SCGN: variants seen among roughly 807,000 people sequenced by gnomAD.
SCGN encodes the protein secretagogin.
A neutral mutation model predicts 39.7 loss-of-function variants in SCGN; 30 were observed. That is an observed-to-expected ratio of 0.76 (90% CI 0.57 to 1.03). SCGN has a LOEUF of 1.03. Ranked by LOEUF, SCGN falls within the 50% of genes least tolerant of loss-of-function variation. The probability of loss-of-function intolerance (pLI) is 0.00; values close to 1 mark genes in which losing one functional copy is unlikely to be tolerated. For missense variants in SCGN, 353 were observed against 349.4 expected (o/e 1.01, Z -0.08); for synonymous variants, 106 against 114.1 (o/e 0.93, Z 0.45).
At chr6:25,671,326 T>C (rs1296912979) in intron 6 of SCGN, among the ~76,000 whole-genome samples, 1 of 152,236 alleles carries the variant, frequency 6.6e-6, no homozygotes, top group South Asian at 2.1e-4. Flanking sequence ...AAGCGTTCCA[T>C]AGCTAAAAGC....
chr6:25,669,700 C>A, intron 5 of SCGN, 133 bp downstream of exon 5: 1 of 714,966 alleles, frequency 1.4e-6, no homozygotes, highest in South Asian at 1.7e-5. Context: ...TACATATGTA[C>A]ATATATGTAT....
At chr6:25,659,613 T>C (rs577179972) in intron 2 of SCGN, among the ~76,000 whole-genome samples, 2 of 152,336 alleles carry the variant, frequency 1.3e-5, no homozygotes, top group Admixed American at 6.5e-5. Flanking sequence ...TACGTTTTGA[T>C]TTATAGTTGC....
intron 4 of SCGN, among the ~76,000 whole-genome samples, chr6:25,667,967 C>T (rs1431905530): frequency 6.6e-6 from 1 of 152,190 alleles, no homozygotes; most frequent in Non-Finnish European, 1.5e-5. Flanking sequence ...ATATAAATCA[C>T]ATGTAACTCA....
chr6:25,665,142 A>G, intron 4 of SCGN, 110 bp downstream of exon 4: 1 of 812,902 alleles, frequency 1.2e-6, no homozygotes, highest in Non-Finnish European at 2.0e-6. Flanking sequence ...GGGAGAGCTG[A>G]GCACAGAGGA....
At chr6:25,672,017 G>T (rs924279690) in intron 6 of SCGN, among the ~76,000 whole-genome samples, 3 of 152,134 alleles carry the variant, frequency 2.0e-5, no homozygotes, top group Non-Finnish European at 4.4e-5. Context: ...AACCACTAAG[G>T]TTTTACTTCT....
chr6:25,686,011 T>C (rs1759701443), intron 7 of SCGN, among the ~76,000 whole-genome samples: 2 of 152,238 alleles, frequency 1.3e-5, no homozygotes, highest in Non-Finnish European at 2.9e-5. Context: ...GTGCCTTTCC[T>C]ATCTGGCTAT....
chr6:25,683,830 T>C (rs1292884541), intron 7 of SCGN, among the ~76,000 whole-genome samples: 2 of 152,198 alleles, frequency 1.3e-5, no homozygotes, highest in Non-Finnish European at 2.9e-5. Context: ...TATGTTAATC[T>C]CTTAACACAA....
chr6:25,654,405 A>G (rs1760190044), intron 2 of SCGN, among the ~76,000 whole-genome samples: 1 of 151,960 alleles, frequency 6.6e-6, no homozygotes, highest in Non-Finnish European at 1.5e-5. Flanking sequence ...GTCCCCCTCT[A>G]CTTCTGTCTG....
chr6:25,676,778 C>T (rs371802656), intron 6 of SCGN, among the ~76,000 whole-genome samples: 1 of 58,928 alleles, frequency 1.7e-5, no homozygotes. Flanking sequence ...TTTCCATCCC[C>T]TCTTCCATCC....
At chr6:25,660,440 G>A (rs935985068) in intron 2 of SCGN, among the ~76,000 whole-genome samples, 2 of 152,196 alleles carry the variant, frequency 1.3e-5, no homozygotes, top group African/African-American at 4.8e-5. Flanking sequence ...GCACATGGTA[G>A]GTGCTTGACA....
intron 6 of SCGN, among the ~76,000 whole-genome samples, chr6:25,671,921 A>T (rs1361563912): frequency 1.3e-5 from 2 of 152,234 alleles, no homozygotes; most frequent in Non-Finnish European, 2.9e-5. Flanking sequence ...ATATATTTTC[A>T]TGTAGAATCT....
chr6:25,686,817 T>TA (rs751162155), intron 7 of SCGN, among the ~76,000 whole-genome samples: 51 of 152,168 alleles, frequency 3.4e-4, no homozygotes, highest in Non-Finnish European at 6.5e-4. Flanking sequence ...TTCTAAGAGT[T>TA]ATATAAACTA....
At chr6:25,662,111 T>C (rs534671488) in intron 3 of SCGN, among the ~76,000 whole-genome samples, 49 of 152,342 alleles carry the variant, frequency 3.2e-4, no homozygotes, top group African/African-American at 1.1e-3. Flanking sequence ...TAGGTGTCTT[T>C]ACTTCAACTC....
At chr6:25,672,449 A>C (rs957816856) in intron 6 of SCGN, among the ~76,000 whole-genome samples, 5 of 152,160 alleles carry the variant, frequency 3.3e-5, no homozygotes, top group Non-Finnish European at 7.4e-5. Context: ...GGGGTAGGGG[A>C]CTGGGAAGAA....
intron 7 of SCGN, among the ~76,000 whole-genome samples, chr6:25,685,924 G>A (rs1477259060): frequency 1.3e-5 from 2 of 152,020 alleles, no homozygotes; most frequent in East Asian, 3.9e-4. Flanking sequence ...ACAAGGCCCT[G>A]GCAACCACCA....
chr6:25,660,897 T>C (rs1760323684), intron 2 of SCGN, among the ~76,000 whole-genome samples: 1 of 152,240 alleles, frequency 6.6e-6, no homozygotes, highest in African/African-American at 2.4e-5. Context: ...GGATTATCTA[T>C]GCTTCTCAAC....
At chr6:25,695,567 T>C (rs537978900) in intron 10 of SCGN, among the ~76,000 whole-genome samples, 2 of 152,214 alleles carry the variant, frequency 1.3e-5, no homozygotes, top group Non-Finnish European at 1.5e-5. Flanking sequence ...TCTCACTCTG[T>C]TGCCCAGGCT....
chr6:25,691,728 A>C (rs542717148), intron 10 of SCGN, among the ~76,000 whole-genome samples: 2 of 152,098 alleles, frequency 1.3e-5, no homozygotes, highest in Non-Finnish European at 2.9e-5. Context: ...ATCATTTCCT[A>C]TTCTTCCTTT....
At chr6:25,689,919 T>A (rs1445934489) in intron 9 of SCGN, among the ~76,000 whole-genome samples, 1 of 152,192 alleles carries the variant, frequency 6.6e-6, no homozygotes, top group East Asian at 1.9e-4. Flanking sequence ...CTATTTTTTC[T>A]TGTAGAACCA....
Sources: gnomAD v4.1 joint callset for allele counts (sites outside exome capture counted in the v4.1 genomes callset) on GRCh38, gnomAD v4.1.1 for gene constraint, MANE v1.5 for transcripts, NCBI Gene and HGNC (gene_info 2026-07-23, HGNC 2026-07-21) for gene names.